Variants in PTGER3 observed in about 807,000 individuals in gnomAD.
PTGER3 encodes the protein prostaglandin E2 receptor EP3 subtype.
Under a neutral mutation model 34.7 loss-of-function variants are expected in PTGER3, and 22 were observed. That is an observed-to-expected ratio of 0.63 (90% CI 0.45 to 0.91). The LOEUF (loss-of-function observed/expected upper bound fraction) is 0.91. Ranked by LOEUF, PTGER3 falls within the 40% of genes least tolerant of loss-of-function variation. PTGER3 has a pLI of 0.00. For missense variants in PTGER3, 468 were observed against 519.4 expected, an observed-to-expected ratio of 0.90 and a Z score of 0.96; for synonymous variants, 241 against 230.1, an observed-to-expected ratio of 1.05 and a Z score of -0.43.
intron 1 of PTGER3, among the ~76,000 whole-genome samples, chr1:71,018,115 G>A (rs779740519): frequency 4.5e-4 from 69 of 152,158 alleles, no homozygotes; most frequent in Non-Finnish European, 8.2e-4. Context: ...CAGCCACCAA[G>A]ATTACAATAA....
chr1:70,902,138 T>A (rs1390894072), intron 4 of PTGER3, among the ~76,000 whole-genome samples: 1 of 152,136 alleles, frequency 6.6e-6, no homozygotes, highest in Non-Finnish European at 1.5e-5. Context: ...AGTCAATTTT[T>A]AAAAATAACA....
chr1:70,916,410 A>C (rs896402067), intron 4 of PTGER3, among the ~76,000 whole-genome samples: 2 of 152,090 alleles, frequency 1.3e-5, no homozygotes, highest in Admixed American at 1.3e-4. Flanking sequence ...AAATCATTCT[A>C]CCAAAAAGAC....
Position 70,974,969 on chromosome 1 carries a change from C to T in PTGER3, c.1078-581G>A, listed in dbSNP as rs577479962. ...ATGCTTCCATTTCTTCATCACCTGG[C>T]TAACTTCTACTCATCTGATAGATCT... On this transcript the variant is annotated intron_variant, in intron 2 of 3. Coordinates refer to ENST00000306666, the MANE Select transcript of PTGER3 (RefSeq NM_198719.2). 3.3e-5 allele frequency among the ~76,000 whole-genome samples: 5 copies of T among 152,278 alleles called. No homozygotes were observed. In the East Asian group the frequency reaches 9.6e-4, roughly 29 times the overall value.
chr1:71,011,480 C>A, intron 2 of PTGER3: 1 of 985,302 alleles, frequency 1.0e-6, no homozygotes, highest in Non-Finnish European at 1.2e-6. Context: ...TCACGACTCT[C>A]ATAGGTCAGT....
At chr1:71,020,179 A>G (rs902337294) in intron 1 of PTGER3, among the ~76,000 whole-genome samples, 1 of 152,200 alleles carries the variant, frequency 6.6e-6, no homozygotes, top group African/African-American at 2.4e-5. Flanking sequence ...TTGTCAAATC[A>G]TCTCTGGATC....
chr1:70,891,181 G>A (rs1311488933), intron 4 of PTGER3, among the ~76,000 whole-genome samples: 2 of 152,190 alleles, frequency 1.3e-5, no homozygotes, highest in African/African-American at 4.8e-5. Flanking sequence ...CAGTGCCTTT[G>A]TTGTCTCTGG....
intron 4 of PTGER3, among the ~76,000 whole-genome samples, chr1:70,892,578 C>T (rs755949332): frequency 1.4e-4 from 22 of 152,144 alleles, no homozygotes; most frequent in South Asian, 2.1e-4. Context: ...AGGTGGCTCA[C>T]ACCTGTAATC....
At chr1:70,925,521 G>A (rs995142221) in intron 4 of PTGER3, among the ~76,000 whole-genome samples, 1 of 152,076 alleles carries the variant, frequency 6.6e-6, no homozygotes, top group African/African-American at 2.4e-5. Flanking sequence ...AGAAGCTAAT[G>A]TCCATCAAAA....
chr1:71,028,072 C>A (rs1659091973), intron 1 of PTGER3, among the ~76,000 whole-genome samples: 1 of 152,126 alleles, frequency 6.6e-6, no homozygotes, highest in Non-Finnish European at 1.5e-5. Context: ...CTATTGGTCA[C>A]CTACCCAGGG....
chr1:70,875,913 T>C (rs1002044050), intron 4 of PTGER3, among the ~76,000 whole-genome samples: 3 of 152,088 alleles, frequency 2.0e-5, no homozygotes, highest in African/African-American at 7.2e-5. Context: ...CACCCATGAG[T>C]CTTTATGGTA....
chr1:70,871,929 A>G (rs1052168295), intron 4 of PTGER3, among the ~76,000 whole-genome samples: 5 of 152,198 alleles, frequency 3.3e-5, no homozygotes, highest in African/African-American at 9.6e-5. Context: ...CCATTTGAGA[A>G]GTCTATCTGT....
At chr1:71,043,823 T>C (rs1405396368) in intron 1 of PTGER3, among the ~76,000 whole-genome samples, 5 of 151,856 alleles carry the variant, frequency 3.3e-5, no homozygotes, top group African/African-American at 1.2e-4. Context: ...TTTTTGTTTT[T>C]TGTTTTTTTT....
At chr1:70,953,565 T>C (rs1017784655) in intron 3 of PTGER3, among the ~76,000 whole-genome samples, 3 of 152,132 alleles carry the variant, frequency 2.0e-5, no homozygotes, top group African/African-American at 7.2e-5. Context: ...ATGCTAAGAC[T>C]TGGGGATTTG....
intron 4 of PTGER3, among the ~76,000 whole-genome samples, chr1:70,880,656 C>T (rs569099923): frequency 3.3e-5 from 5 of 149,678 alleles, no homozygotes; most frequent in Admixed American, 6.7e-5. Flanking sequence ...TGCCACTTCA[C>T]TCCAGCCTGA....
At chr1:70,930,914 TC>T (rs1648625319) in intron 4 of PTGER3, among the ~76,000 whole-genome samples, 2 of 151,924 alleles carry the variant, frequency 1.3e-5, no homozygotes, top group Non-Finnish European at 2.9e-5. Flanking sequence ...TCCCAACAGT[TC>T]CCCTAAGTCT....
intron 2 of PTGER3, among the ~76,000 whole-genome samples, chr1:70,964,237 C>T (rs945978936): frequency 2.0e-5 from 3 of 152,200 alleles, no homozygotes; most frequent in African/African-American, 7.2e-5. Context: ...CCCACATTTT[C>T]CTATCTTCTG....
intron 4 of PTGER3, among the ~76,000 whole-genome samples, chr1:70,883,604 T>G (rs1646437588): frequency 6.6e-6 from 1 of 152,222 alleles, no homozygotes; most frequent in East Asian, 1.9e-4. Context: ...TCACCCATTT[T>G]AGCTTGGAAT....
intron 2 of PTGER3, among the ~76,000 whole-genome samples, chr1:70,989,040 C>CA (rs1655191176): frequency 6.6e-6 from 1 of 151,970 alleles, no homozygotes; most frequent in Non-Finnish European, 1.5e-5. Flanking sequence ...ATTCCCCCCC[C>CA]AAAACTTGTA....
intron 2 of PTGER3, among the ~76,000 whole-genome samples, chr1:70,976,816 TAAC>T (rs1393922328): frequency 1.3e-5 from 2 of 152,162 alleles, no homozygotes; most frequent in Non-Finnish European, 2.9e-5. Context: ...AAGCAGGTAC[TAAC>T]GAGCCTCTCT....
Sources: allele counts gnomAD v4.1 joint callset (sites outside exome capture counted in the v4.1 genomes callset), GRCh38; gene constraint gnomAD v4.1.1; transcripts MANE v1.5; gene names NCBI Gene and HGNC (gene_info 2026-07-23, HGNC 2026-07-21).